Variants in CDH26 observed in about 807,000 individuals in gnomAD.
CDH26 encodes the protein cadherin 26.
CDH26 carries 83 observed loss-of-function variants against 90.3 expected under a neutral mutation model. The observed-to-expected ratio is 0.92, with a 90% CI of 0.77 to 1.10. CDH26 has a LOEUF of 1.10. CDH26 is among the 50% of genes least tolerant of loss of function. The probability of loss-of-function intolerance (pLI) is 0.00; values close to 1 mark genes in which losing one functional copy is unlikely to be tolerated. For missense variants in CDH26, 1,013 were observed against 1,037.6 expected, an observed-to-expected ratio of 0.98 and a Z score of 0.33; for synonymous variants, 397 against 396.3, an observed-to-expected ratio of 1.00 and a Z score of -0.02.
intron 1 of CDH26, among the ~76,000 whole-genome samples, chr20:59,968,025 G>GTCTCTCTCTCTC (rs777837348): frequency 5.2e-5 from 3 of 57,232 alleles, no homozygotes; most frequent in African/African-American, 2.6e-4. Context: ...CTTTCTCTCT[G>GTCTCTCTCTCTC]TCTCTCTCTC....
chr20:60,004,807 C>A (rs1423573590), intron 16 of CDH26, among the ~76,000 whole-genome samples: 1 of 147,398 alleles, frequency 6.8e-6, no homozygotes, highest in Non-Finnish European at 1.5e-5. Context: ...AACACCTACA[C>A]ATAGAAAAGG....
intron 17 of CDH26, among the ~76,000 whole-genome samples, chr20:60,011,955 C>T (rs1321747752): frequency 6.6e-6 from 1 of 151,878 alleles, no homozygotes; most frequent in Non-Finnish European, 1.5e-5. Flanking sequence ...GAAGCCATGG[C>T]CTGAGCATGA....
At chr20:59,971,056 A>G (rs1167337046) in intron 3 of CDH26, among the ~76,000 whole-genome samples, 2 of 152,182 alleles carry the variant, frequency 1.3e-5, no homozygotes, top group African/African-American at 4.8e-5. Context: ...TTGGAATAGC[A>G]GAATCTTTAC....
At chr20:60,021,621 G>A (rs1252351733) in intron 7 of CDH26, among the ~76,000 whole-genome samples, 5 of 151,820 alleles carry the variant, frequency 3.3e-5, no homozygotes, top group Non-Finnish European at 4.4e-5. Flanking sequence ...CTTACTACTG[G>A]CTACAAAATG....
chr20:60,011,089 A>T (rs1569061642), intron 17 of CDH26, among the ~76,000 whole-genome samples: 1 of 152,170 alleles, frequency 6.6e-6, no homozygotes, highest in Non-Finnish European at 1.5e-5. Flanking sequence ...CTCTCGCCCC[A>T]ATGAGTGGAG....
intron 4 of CDH26, among the ~76,000 whole-genome samples, chr20:59,979,819 G>A (rs1470564846): frequency 6.6e-6 from 1 of 151,214 alleles, no homozygotes; most frequent in Non-Finnish European, 1.5e-5. Context: ...TAGAGTCGGG[G>A]TTTCACCATG....
chr20:59,960,270 C>T (rs886675004), intron 1 of CDH26, among the ~76,000 whole-genome samples: 4 of 152,078 alleles, frequency 2.6e-5, no homozygotes, highest in African/African-American at 9.7e-5. Context: ...TTTTTCTTCA[C>T]CTGAAAATGG....
intron 7 of CDH26, among the ~76,000 whole-genome samples, chr20:60,021,897 C>CACACACACACACACAT (rs1295572684): frequency 0.024 from 1,883 of 78,792 alleles, 145 homozygotes; most frequent in African/African-American, 0.052. Flanking sequence ...CACACACACA[C>CACACACACACACACAT]ATATATATAT....
At chr20:59,983,904 T>G (rs2061423399) in intron 5 of CDH26, among the ~76,000 whole-genome samples, 2 of 152,226 alleles carry the variant, frequency 1.3e-5, no homozygotes, top group South Asian at 4.1e-4. Flanking sequence ...TTGTGTAATA[T>G]TTTATGGATG....
chr20:60,021,349 A>G (rs12625838), intron 7 of CDH26, among the ~76,000 whole-genome samples: 49,090 of 152,088 alleles, frequency 0.32, 9,995 homozygotes, highest in Non-Finnish European at 0.43. Flanking sequence ...GGTATTATCT[A>G]TGGCTCCCTT....
rs150117870 is a variant in CDH26, at chr20:59,989,047, C to T, written c.1167C>T (p.Asp389=). The change falls in exon 9 of 18, where the codon GAC becomes GAT. Residue 389 remains aspartate (D), a synonymous_variant. Coordinates refer to ENST00000348616, the MANE Select transcript of CDH26 (RefSeq NM_177980.4). ...CCACTGTGAGTGTGCAGGTGACAGA[C>T]GCCAACGACCCACCAGCCTTTCACC... ...ASATVSVQVT[D]ANDPPAFHPQ... The T allele has an allele frequency of 1.3e-4, 204 of 1,614,156 alleles. 2 individuals carry two copies. The Middle Eastern group carries it at 4.0e-3, about 31-fold the overall frequency.
At chr20:60,018,292 G>T (rs1372041772), downstream of CDH26, among the ~76,000 whole-genome samples, 1 of 151,912 alleles carries the variant, frequency 6.6e-6, no homozygotes, top group Non-Finnish European at 1.5e-5. Context: ...TCAGTGTTGG[G>T]TGCATGTTTA....
chr20:60,029,470 T>C (rs978039874), intron 7 of CDH26, among the ~76,000 whole-genome samples: 6 of 138,170 alleles, frequency 4.3e-5, no homozygotes, highest in East Asian at 2.2e-4. Flanking sequence ...TAGTCAACAA[T>C]GCACTTCAAC....
At chr20:59,970,017 T>C in intron 2 of CDH26, 65 bp from the exon 3 acceptor site, 1 of 1,570,964 alleles carries the variant, frequency 6.4e-7, no homozygotes, top group Non-Finnish European at 8.6e-7. Context: ...AGTAAGGGTG[T>C]GATAAATCCT....
At position 59,992,566 on chromosome 20, in the gene CDH26, T is replaced by G; in HGVS notation, c.1426+46T>G. On this transcript the variant is annotated intron_variant, in intron 10 of 17. Coordinates refer to ENST00000348616, the MANE Select transcript of CDH26 (RefSeq NM_177980.4). This position sits in a 1 kb window ranked among gnomAD's most constrained non-coding sequence, Gnocchi z 5.0. ...GGAAAAATAAAATGCTCATTCTTGC[T>G]TCCTGCGGGAAAATAACCCTGGTGA... 2 of 1,603,306 alleles carry G rather than the reference T, an allele frequency of 1.2e-6. No individual in the cohort carries two copies. Among genetic ancestry groups the G allele is most frequent in the Non-Finnish European group, 8.5e-7 (1 of 1,170,788 alleles).
intron 2 of CDH26, 115 bp from the exon 3 acceptor site, chr20:59,969,967 G>C: frequency 2.1e-6 from 3 of 1,440,380 alleles, no homozygotes; most frequent in East Asian, 2.5e-5. Context: ...CTGGCGATGA[G>C]AGAATGCAGG....
At position 60,029,386 on chromosome 20, in the gene CDH26, C is replaced by T. The variant is rs556237947; in HGVS notation, c.948-1845C>T. 6.6e-5 allele frequency among the ~76,000 whole-genome samples: 10 copies of T among 150,908 alleles called. No individual in the cohort carries two copies. The East Asian group carries it at 2.0e-3, about 29-fold the overall frequency. ...ACAACGTAGCATCTATAGTCAACAA[C>T]GTAGCACCTATAGTCAACAACGTAG... On this transcript the variant is annotated intron_variant, in intron 7 of 8. Coordinates refer to the CDH26 transcript ENST00000370991.
exon 9 of CDH26, chr20:60,033,793 G>C: frequency 2.6e-6 from 3 of 1,173,074 alleles, no homozygotes; most frequent in Non-Finnish European, 3.2e-6. Flanking sequence ...GTGTGTGTGT[G>C]TGTGTGTGTG....
chr20:60,026,413 A>AGAGAGAGAGAGG (rs1206771441), intron 7 of CDH26, among the ~76,000 whole-genome samples: 1 of 151,804 alleles, frequency 6.6e-6, no homozygotes, highest in African/African-American at 2.4e-5. Flanking sequence ...AGAGAGAGAG[A>AGAGAGAGAGAGG]GAGAGAGAGA....
Sources: allele counts gnomAD v4.1 joint callset (sites outside exome capture counted in the v4.1 genomes callset), GRCh38; gene constraint gnomAD v4.1.1; non-coding constraint Gnocchi (gnomAD v3.1); transcripts MANE v1.5; gene names NCBI Gene and HGNC (gene_info 2026-07-23, HGNC 2026-07-21).